The following NOL4 variants were observed in gnomAD, a reference collection of about 807,000 sequenced individuals.
NOL4 encodes the protein cancer/testis antigen 125.
A neutral mutation model predicts 75.9 loss-of-function variants in NOL4; 17 were observed. That is an observed-to-expected ratio of 0.22 (90% CI 0.15 to 0.34). NOL4 has a LOEUF of 0.34. NOL4 is among the 10% of genes least tolerant of loss of function. The pLI is 1.00. For synonymous variants in NOL4, 292 were observed against 289.9 expected (o/e 1.01, Z -0.07); for missense variants, 614 against 793.5 (o/e 0.77, Z 2.72).
intron 9 of NOL4, among the ~76,000 whole-genome samples, chr18:33,898,583 C>A (rs2065560278): frequency 6.6e-6 from 1 of 152,090 alleles, no homozygotes; most frequent in Admixed American, 6.6e-5. Context: ...CAAATAATTT[C>A]CAAGTCCTGT....
At chr18:33,910,957 C>T (rs966511087) in intron 9 of NOL4, among the ~76,000 whole-genome samples, 8 of 152,134 alleles carry the variant, frequency 5.3e-5, no homozygotes, top group African/African-American at 1.9e-4. Context: ...GTTCTCCAGG[C>T]CTGCCACACA....
intron 6 of NOL4, among the ~76,000 whole-genome samples, chr18:34,011,375 T>A (rs2074363961): frequency 1.3e-5 from 2 of 151,846 alleles, no homozygotes; most frequent in Admixed American, 1.3e-4. Context: ...TATAACTCTA[T>A]GAGTCTAGTA....
rs144743817 is a variant in NOL4, at chr18:34,055,423, ATAT to A, written c.773-35825_773-35823del. On this transcript the variant is annotated intron_variant, in intron 5 of 10. Coordinates refer to ENST00000261592, the MANE Select transcript of NOL4 (RefSeq NM_003787.5). Reference sequence around the variant, plus strand: ...TTTTTTTCTCTAAACACTTTGAATAATATTATCACACTTCCTTTGGCCTATAAG... The same window carrying A: ...TTTTTTTCTCTAAACACTTTGAATAATATCACACTTCCTTTGGCCTATAAG... Among the ~76,000 whole-genome samples the A allele has an allele frequency of 3.4e-3, 520 of 152,216 alleles. 5 individuals carry two copies. The highest frequency in any genetic ancestry group is 5.8e-3 in the Non-Finnish European group (391 of 67,980).
chr18:34,213,777 T>C (rs2146582160), intron 1 of NOL4, among the ~76,000 whole-genome samples: 1 of 152,304 alleles, frequency 6.6e-6, no homozygotes, highest in Admixed American at 6.5e-5. Flanking sequence ...TCATTCTTTA[T>C]AAATTAACCA....
chr18:34,050,742 T>C (rs144781358), intron 5 of NOL4, among the ~76,000 whole-genome samples: 3,418 of 152,208 alleles, frequency 0.022, 144 homozygotes, highest in African/African-American at 0.078. Context: ...TAAAACAATA[T>C]GTTTGTCTTA....
intron 6 of NOL4, among the ~76,000 whole-genome samples, chr18:33,974,544 T>C (rs964170053): frequency 6.6e-6 from 1 of 152,138 alleles, no homozygotes; most frequent in African/African-American, 2.4e-5. Context: ...TCATCTTATA[T>C]GGGAGAAGTT....
intron 1 of NOL4, among the ~76,000 whole-genome samples, chr18:34,138,561 C>T (rs4584903): frequency 0.6 from 90,753 of 151,922 alleles, 27,754 homozygotes; most frequent in African/African-American, 0.74. Context: ...GTTCTGAACA[C>T]ACTAAAAATA....
At chr18:34,172,476 T>A (rs908274808) in intron 1 of NOL4, among the ~76,000 whole-genome samples, 1 of 152,166 alleles carries the variant, frequency 6.6e-6, no homozygotes, top group African/African-American at 2.4e-5. Flanking sequence ...GTCAATAATG[T>A]TGCAATGAAC....
chr18:34,000,544 C>T (rs78443676), intron 6 of NOL4, among the ~76,000 whole-genome samples: 1,882 of 152,142 alleles, frequency 0.012, 33 homozygotes, highest in East Asian at 0.089. Context: ...AAAATTCTTG[C>T]GGAACATATC....
In NOL4 at chr18:34,223,460, C is replaced by G; in HGVS notation, c.-207G>C. 4 of 637,964 alleles carry G rather than the reference C, an allele frequency of 6.3e-6. No individual in the cohort carries two copies. Among genetic ancestry groups the G allele is most frequent in the South Asian group, 2.0e-5 (1 of 49,474 alleles). 39.5% of individuals were successfully genotyped at this position (637,964 alleles called of 1,614,324 possible). ...CAATCAATGCCCCGTGCTACCAAGT[C>G]TGGTCCATTCGTAATTGCAACGGCT... On this transcript the variant is annotated 5_prime_UTR_variant, in exon 1 of 11. Coordinates refer to ENST00000261592, the MANE Select transcript of NOL4 (RefSeq NM_003787.5).
intron 6 of NOL4, chr18:34,001,794 CCAGA>C (rs1294349663): frequency 1.2e-4 from 19 of 152,846 alleles, no homozygotes; most frequent in South Asian, 4.1e-4. Context: ...TGCACTCAGA[CCAGA>C]CAAAGACAAT....
intron 5 of NOL4, among the ~76,000 whole-genome samples, chr18:34,060,424 T>A (rs2077023718): frequency 1.3e-5 from 2 of 152,222 alleles, no homozygotes; most frequent in Admixed American, 6.5e-5. Flanking sequence ...TATTTACATA[T>A]CCCAACCACA....
chr18:33,877,437 TAAAA>T (rs35251455), intron 10 of NOL4, among the ~76,000 whole-genome samples: 1 of 106,232 alleles, frequency 9.4e-6, no homozygotes, highest in Admixed American at 1.0e-4. Context: ...GACCTTGCCT[TAAAA>T]AAAAAAAAAA....
chr18:33,983,048 C>T (rs537599613), intron 6 of NOL4, among the ~76,000 whole-genome samples: 1 of 151,866 alleles, frequency 6.6e-6, no homozygotes, highest in African/African-American at 2.4e-5. Flanking sequence ...CTGTGCCCAG[C>T]CCAAGAATCT....
chr18:34,001,176 T>C (rs546045442), intron 6 of NOL4, among the ~76,000 whole-genome samples: 1 of 152,272 alleles, frequency 6.6e-6, no homozygotes, highest in South Asian at 2.1e-4. Flanking sequence ...TCAGAAAGCA[T>C]AATCATTTTT....
intron 2 of NOL4, among the ~76,000 whole-genome samples, chr18:34,117,819 C>G (rs936423425): frequency 6.6e-6 from 1 of 152,188 alleles, no homozygotes; most frequent in Non-Finnish European, 1.5e-5. Context: ...AGCAGAGAAG[C>G]CATTCTTGGT....
intron 1 of NOL4, among the ~76,000 whole-genome samples, chr18:34,199,657 C>G (rs776439528): frequency 6.6e-6 from 1 of 151,762 alleles, no homozygotes; most frequent in African/African-American, 2.4e-5. Flanking sequence ...TATCATGACA[C>G]AAGCCTAGAA....
intron 1 of NOL4, among the ~76,000 whole-genome samples, chr18:34,203,717 T>TCTCTCTCTCTCTCTCACACACACA (rs1261546835): frequency 1.4e-5 from 1 of 72,264 alleles, no homozygotes; most frequent in East Asian, 5.0e-4. Flanking sequence ...TCTCTCTCTC[T>TCTCTCTCTCTCTCTCACACACACA]CACACACACA....
chr18:34,111,101 G>T (rs2079565658), intron 2 of NOL4, among the ~76,000 whole-genome samples: 2 of 152,198 alleles, frequency 1.3e-5, no homozygotes, highest in South Asian at 4.2e-4. Context: ...ATAACCAAAT[G>T]TGGAAGAAAT....
Sources: allele counts gnomAD v4.1 joint callset (sites outside exome capture counted in the v4.1 genomes callset), GRCh38; gene constraint gnomAD v4.1.1; transcripts MANE v1.5; gene names NCBI Gene and HGNC (gene_info 2026-07-23, HGNC 2026-07-21).